Variants in ZNF277 observed in about 807,000 individuals in gnomAD.
The protein encoded by ZNF277 is nuclear receptor-interacting factor 4.
A neutral mutation model predicts 60.7 loss-of-function variants in ZNF277; 55 were observed. That is an observed-to-expected ratio of 0.91 (90% CI 0.73 to 1.13). The LOEUF (loss-of-function observed/expected upper bound fraction) is 1.13, where lower values mean the gene tolerates loss of function less well. ZNF277 is among the 50% of genes most tolerant of loss of function. ZNF277 has a pLI of 0.00. For synonymous variants in ZNF277, 178 were observed against 179.3 expected (o/e 0.99, Z 0.06); for missense variants, 510 against 523.0 (o/e 0.98, Z 0.24).
intron 4 of ZNF277, among the ~76,000 whole-genome samples, chr7:112,312,627 C>G (rs917101909): frequency 5.9e-5 from 9 of 151,984 alleles, no homozygotes; most frequent in African/African-American, 1.9e-4. Flanking sequence ...GAGAAAGAAA[C>G]AGGCAAAATG....
At chr7:112,211,402 C>T (rs1168488927) in intron 1 of ZNF277, among the ~76,000 whole-genome samples, 1 of 152,190 alleles carries the variant, frequency 6.6e-6, no homozygotes, top group Non-Finnish European at 1.5e-5. Flanking sequence ...CATTACTAAC[C>T]CTCACCATTA....
intron 1 of ZNF277, among the ~76,000 whole-genome samples, chr7:112,218,831 T>C (rs1821953053): frequency 1.3e-5 from 2 of 152,234 alleles, no homozygotes; most frequent in Admixed American, 1.3e-4. Context: ...GTATTGTGTA[T>C]ATATATGCAC....
At chr7:112,254,769 G>A (rs1563205318) in intron 1 of ZNF277, among the ~76,000 whole-genome samples, 1 of 152,058 alleles carries the variant, frequency 6.6e-6, no homozygotes, top group South Asian at 2.1e-4. Context: ...AGGATTTTAA[G>A]ACCAGCCTTG....
intron 1 of ZNF277, among the ~76,000 whole-genome samples, chr7:112,231,789 G>A (rs940410765): frequency 6.6e-5 from 10 of 151,706 alleles, no homozygotes; most frequent in African/African-American, 2.4e-4. Flanking sequence ...ACACAACCAC[G>A]GAACTTTGTT....
intron 8 of ZNF277, among the ~76,000 whole-genome samples, chr7:112,336,658 C>A (rs1793340528): frequency 6.6e-6 from 1 of 152,122 alleles, no homozygotes; most frequent in Non-Finnish European, 1.5e-5. Context: ...TATTTTTCAT[C>A]TTCTTTTCAG....
At chr7:112,272,361 A>G (rs934201770) in intron 1 of ZNF277, among the ~76,000 whole-genome samples, 1 of 150,722 alleles carries the variant, frequency 6.6e-6, no homozygotes, top group Non-Finnish European at 1.5e-5. Context: ...AATTTTAACT[A>G]TTTTGAACAG....
chr7:112,238,515 G>A (rs1395848526), intron 1 of ZNF277, among the ~76,000 whole-genome samples: 1 of 152,120 alleles, frequency 6.6e-6, no homozygotes, highest in Admixed American at 6.5e-5. Flanking sequence ...TCCTTGTGCT[G>A]TGCTGGGCTT....
intron 1 of ZNF277, among the ~76,000 whole-genome samples, chr7:112,209,664 A>G (rs10238838): frequency 0.056 from 8,453 of 152,194 alleles, 620 homozygotes; most frequent in African/African-American, 0.17. Context: ...CTGCTTAATA[A>G]CCTATGTATC....
intron 2 of ZNF277, chr7:112,288,951 T>TTAAA (rs1792135982): frequency 1.4e-5 from 1 of 70,388 alleles, no homozygotes; most frequent in African/African-American, 6.7e-5. Context: ...CTGCCTTTCT[T>TTAAA]AAAAAAAAAA....
At chr7:112,222,571 T>C (rs943764119) in intron 1 of ZNF277, among the ~76,000 whole-genome samples, 1 of 152,234 alleles carries the variant, frequency 6.6e-6, no homozygotes, top group Non-Finnish European at 1.5e-5. Flanking sequence ...CTTCTGTCTT[T>C]TTTTTCTTAG....
At chr7:112,305,057 A>G (rs534134384) in intron 4 of ZNF277, among the ~76,000 whole-genome samples, 86 of 152,064 alleles carry the variant, frequency 5.7e-4, no homozygotes, top group African/African-American at 2.0e-3. Flanking sequence ...AGCTTTAAGG[A>G]CTTCGCACTT....
intron 9 of ZNF277, 32 bp downstream of exon 9, chr7:112,337,858 T>G (rs759300881): frequency 3.8e-6 from 6 of 1,569,242 alleles, no homozygotes; most frequent in Non-Finnish European, 5.2e-6. Context: ...GAATTTTGTT[T>G]TATTCTGACA....
chr7:112,283,035 A>G (rs1230651703), intron 1 of ZNF277, among the ~76,000 whole-genome samples: 4 of 152,234 alleles, frequency 2.6e-5, no homozygotes, highest in Non-Finnish European at 4.4e-5. Context: ...AATTCAGTGT[A>G]CATGCCAGGT....
chr7:112,304,331 A>G (rs1430936306), intron 4 of ZNF277, among the ~76,000 whole-genome samples: 1 of 152,120 alleles, frequency 6.6e-6, no homozygotes, highest in Non-Finnish European at 1.5e-5. Context: ...TGCTCTAGTG[A>G]TCAGACTCTG....
In ZNF277 at chr7:112,311,885, G is replaced by C. The variant is rs978459458; in HGVS notation, c.466-6297G>C. ...AGAAGGATGCACAGAATTTAAAACT[G>C]TTTTGTTTTCTCACATCCTATCAAG... On this transcript the variant is annotated intron_variant, in intron 4 of 11. Coordinates refer to ENST00000361822, the MANE Select transcript of ZNF277 (RefSeq NM_021994.3). Among the ~76,000 whole-genome samples, 11 of 152,100 alleles carry C rather than the reference G, an allele frequency of 7.2e-5. 1 individual carries two copies. The highest frequency in any genetic ancestry group is 4.4e-5 in the Non-Finnish European group (3 of 67,984).
chr7:112,250,907 C>T (rs1241015368), intron 1 of ZNF277, among the ~76,000 whole-genome samples: 1 of 152,172 alleles, frequency 6.6e-6, no homozygotes, highest in East Asian at 1.9e-4. Context: ...AGTCTCCCTT[C>T]TTCAAGTCGG....
At chr7:112,318,295 A>G in intron 5 of ZNF277, 22 bp downstream of exon 5, 1 of 1,592,908 alleles carries the variant, frequency 6.3e-7, no homozygotes, top group Non-Finnish European at 8.6e-7. Flanking sequence ...TGCATCTTTA[A>G]ATGTTACTGT....
At chr7:112,325,886 G>A (rs961545838) in intron 5 of ZNF277, among the ~76,000 whole-genome samples, 5 of 152,152 alleles carry the variant, frequency 3.3e-5, no homozygotes, top group Admixed American at 6.5e-5. Flanking sequence ...TGCTGGCTGC[G>A]GCCAAAATCC....
chr7:112,252,422 G>T (rs779836802), intron 1 of ZNF277, among the ~76,000 whole-genome samples: 1 of 152,064 alleles, frequency 6.6e-6, no homozygotes, highest in Non-Finnish European at 1.5e-5. Flanking sequence ...TTCTGTGTGC[G>T]GTACAAGGGT....
Sources: allele counts gnomAD v4.1 joint callset (sites outside exome capture counted in the v4.1 genomes callset), GRCh38; gene constraint gnomAD v4.1.1; transcripts MANE v1.5; gene names NCBI Gene and HGNC (gene_info 2026-07-23, HGNC 2026-07-21).